Variants in MORN2 observed in about 807,000 individuals in gnomAD.
The protein encoded by MORN2 is MORN repeat-containing protein 2.
A neutral mutation model predicts 13.4 loss-of-function variants in MORN2; 15 were observed. That is an observed-to-expected ratio of 1.12 (90% CI 0.75 to 1.72). MORN2 has a LOEUF of 1.72. Ranked by LOEUF, MORN2 falls within the 40% of genes most tolerant of loss-of-function variation. The pLI is 0.00. For synonymous variants in MORN2, 46 were observed against 43.6 expected, an observed-to-expected ratio of 1.06 and a Z score of -0.22; for missense variants, 168 against 134.6, an observed-to-expected ratio of 1.25 and a Z score of -1.23.
At chr2:38,878,616 T>G (rs926658506) in intron 1 of MORN2, among the ~76,000 whole-genome samples, 2 of 152,184 alleles carry the variant, frequency 1.3e-5, no homozygotes, top group Non-Finnish European at 2.9e-5. Context: ...GTTCACTAAT[T>G]TGTTTTCAAT....
rs200554485 is a variant in MORN2, at chr2:38,877,706, C to G, written c.58+1596C>G. Reference sequence around the variant, plus strand: ...ATGTTGCCCAGGCTGGTCTCAAACTCCTGGGCTCAAGCAGTCCTCCCACCT... The same window carrying G: ...ATGTTGCCCAGGCTGGTCTCAAACTGCTGGGCTCAAGCAGTCCTCCCACCT... On this transcript the variant is annotated intron_variant, in intron 1 of 4. Coordinates refer to ENST00000644631, the MANE Select transcript of MORN2 (RefSeq NM_001145450.3). 2.2e-4 allele frequency among the ~76,000 whole-genome samples: 33 copies of G among 152,170 alleles called. No individual in the cohort carries two copies. The East Asian group carries it at 5.8e-3, about 27-fold the overall frequency.
At chr2:38,880,960 C>T (rs768410495) in intron 3 of MORN2, among the ~76,000 whole-genome samples, 4 of 152,120 alleles carry the variant, frequency 2.6e-5, no homozygotes, top group Non-Finnish European at 4.4e-5. Context: ...CTCATTTAAT[C>T]CTCATAATAA....
At chr2:38,880,040 C>T (rs369522158) in intron 1 of MORN2, 139 bp from the exon 2 acceptor site, 9 of 375,834 alleles carry the variant, frequency 2.4e-5, no homozygotes, top group East Asian at 7.5e-5. Context: ...ACATTTGCAT[C>T]CCCAGCACTT....
At chr2:38,876,404 C>T (rs1665623083) in intron 1 of MORN2, among the ~76,000 whole-genome samples, 1 of 152,176 alleles carries the variant, frequency 6.6e-6, no homozygotes, top group Admixed American at 6.5e-5. Flanking sequence ...TCCCAAGTTT[C>T]GAATGTAGAA....
chr2:38,876,043 G>T lies in MORN2; in HGVS notation c.-10G>T, dbSNP rs912291943. 4.8e-5 allele frequency: 19 copies of T among 398,560 alleles called. No homozygotes were observed. The highest frequency in any genetic ancestry group is 8.0e-5 in the Non-Finnish European group (18 of 226,140). The allele number at this position is 398,560 out of a possible 1,614,324, so 24.7% of individuals were successfully genotyped here. ...CTGTCCTAGCGCCTAGTTCTCTCCCGGCCGCAGAGCTGGCCGCCCAGGGGG... is the reference window on the plus strand; with the variant it reads ...CTGTCCTAGCGCCTAGTTCTCTCCCTGCCGCAGAGCTGGCCGCCCAGGGGG... On this transcript the variant is annotated 5_prime_UTR_variant, in exon 1 of 5. Coordinates refer to ENST00000644631, the MANE Select transcript of MORN2 (RefSeq NM_001145450.3).
chr2:38,882,362 C>A, intron 4 of MORN2, 51 bp from the exon 5 acceptor site: 5 of 1,154,100 alleles, frequency 4.3e-6, no homozygotes, highest in Non-Finnish European at 6.3e-6. Flanking sequence ...TATATCTGGA[C>A]TGTAAATTAT....
chr2:38,877,434 C>A (rs184071819), intron 1 of MORN2, among the ~76,000 whole-genome samples: 2 of 152,184 alleles, frequency 1.3e-5, no homozygotes, highest in Admixed American at 1.3e-4. Flanking sequence ...CACCATACTT[C>A]ACCCTTTATC....
rs746502854 is a variant in MORN2, at chr2:38,880,690, G to A, written c.200G>A (p.Ser67Asn). The A allele has an allele frequency of 1.7e-5, 27 of 1,550,134 alleles. No homozygotes were observed. Among genetic ancestry groups the A allele is most frequent in the South Asian group, 6.0e-5 (5 of 83,958 alleles). ...CCTAATGGGATTGTCTACACAGGAAGCTGGAAAGATGACAAGGTATTATTG... is the reference window on the plus strand; with the variant it reads ...CCTAATGGGATTGTCTACACAGGAAACTGGAAAGATGACAAGGTATTATTG... The change falls in exon 3 of 5, where the codon AGC becomes AAC. Residue 67 changes from serine to asparagine, a missense_variant. Ser to Asn is a conservative substitution (Grantham distance 46, BLOSUM62 1). Coordinates refer to ENST00000644631, the MANE Select transcript of MORN2 (RefSeq NM_001145450.3).
intron 1 of MORN2, among the ~76,000 whole-genome samples, chr2:38,878,021 C>T (rs183065358): frequency 1.8e-4 from 27 of 152,224 alleles, no homozygotes; most frequent in African/African-American, 6.3e-4. Flanking sequence ...GTCTCGAACT[C>T]CTAGGCTCAA....
chr2:38,877,507 C>T (rs1665673517), intron 1 of MORN2, among the ~76,000 whole-genome samples: 1 of 152,000 alleles, frequency 6.6e-6, no homozygotes, highest in Admixed American at 6.5e-5. Context: ...TCAGATTTTT[C>T]TAAGATTTAG....
chr2:38,882,548 A>G lies in MORN2; in HGVS notation c.*33A>G. ...GTTAAATTAAAGTTGAAATGTAGTA[A>G]TTGAAGCTTTTAGTTGTAAGGAAAG... On this transcript the variant is annotated 3_prime_UTR_variant, in exon 5 of 5. Coordinates refer to ENST00000644631, the MANE Select transcript of MORN2 (RefSeq NM_001145450.3). 1 of 1,463,978 alleles carries G rather than the reference A, an allele frequency of 6.8e-7. No individual in the cohort carries two copies. Among genetic ancestry groups the G allele is most frequent in the Non-Finnish European group, 9.4e-7 (1 of 1,069,134 alleles). 90.7% of individuals were successfully genotyped at this position (1,463,978 alleles called of 1,614,324 possible).
chr2:38,876,095 A>C lies in MORN2; in HGVS notation c.43A>C (p.Asn15His). ...GTCGCAGAGTTTGGAAGATCTCTCT[A>C]ACACCTCTCGGCCAAGTGAGTGTCC... is the stretch of plus-strand genomic sequence containing the variant. The change falls in exon 1 of 5, where the codon AAC (asparagine) becomes CAC (histidine). Residue 15 changes from asparagine to histidine, a missense_variant. Coordinates refer to ENST00000644631, the MANE Select transcript of MORN2 (RefSeq NM_001145450.3). 2.5e-6 allele frequency: 1 copy of C among 398,764 alleles called. No homozygotes were observed. 24.7% of individuals were successfully genotyped at this position (398,764 alleles called of 1,614,324 possible).
chr2:38,879,993 C>T (rs541686611), intron 1 of MORN2, among the ~76,000 whole-genome samples, 186 bp from the exon 2 acceptor site: 1 of 152,250 alleles, frequency 6.6e-6, no homozygotes, highest in East Asian at 1.9e-4. Flanking sequence ...GGTCTTATGA[C>T]ATAAGAATGT....
chr2:38,879,284 AT>A (rs1004923223), intron 1 of MORN2, among the ~76,000 whole-genome samples: 4 of 150,132 alleles, frequency 2.7e-5, no homozygotes, highest in Non-Finnish European at 4.5e-5. Flanking sequence ...CTGTACACCA[AT>A]TTTTTTTTTA....
At chr2:38,878,239 T>C (rs1665700425) in intron 1 of MORN2, among the ~76,000 whole-genome samples, 1 of 152,218 alleles carries the variant, frequency 6.6e-6, no homozygotes. Flanking sequence ...TGTCAGTCCT[T>C]TGTAGTTTAT....
intron 3 of MORN2, among the ~76,000 whole-genome samples, 179 bp downstream of exon 3, chr2:38,880,885 A>AATCATCGT (rs1214547577): frequency 6.6e-6 from 1 of 152,224 alleles, no homozygotes; most frequent in East Asian, 1.9e-4. Flanking sequence ...GTAGAAAGCT[A>AATCATCGT]ATCATCGTTA....
Position 38,880,203 on chromosome 2 carries a change from TTA to T in MORN2, c.85_86del (p.Ile29LeufsTer8). On this transcript the variant is annotated frameshift_variant, in exon 2 of 5. Transcript: ENST00000644631. LOFTEE classifies it high-confidence loss of function. Reference sequence around the variant, plus strand: ...GCTTCAGAAGTGTATAAGATCAGCTTTATCTTTCCAAATGGAGACAAGTATGG... The same window carrying T: ...GCTTCAGAAGTGTATAAGATCAGCTTTCTTTCCAAATGGAGACAAGTATGG... 2.5e-6 allele frequency: 1 copy of T among 399,064 alleles called. No individual in the cohort carries two copies. The highest frequency in any genetic ancestry group is 4.4e-6 in the Non-Finnish European group (1 of 226,100). 24.7% of individuals were successfully genotyped at this position (399,064 alleles called of 1,614,324 possible). A position where few individuals can be genotyped will look rare whatever the true frequency, so the allele number is the denominator to read the frequency against.
Position 38,880,708 on chromosome 2 carries a change from T to C in MORN2, c.216+2T>C. ...ACAGGAAGCTGGAAAGATGACAAGG[T>C]ATTATTGTTGTTTTTAATATTGGCA... is the stretch of plus-strand genomic sequence containing the variant. On this transcript the variant is annotated splice_donor_variant, in intron 3 of 4. Transcript: ENST00000644631. LOFTEE classifies it high-confidence loss of function. 6.5e-7 allele frequency: 1 copy of C among 1,549,954 alleles called. No homozygotes were observed.
chr2:38,878,134 A>G (rs1311311831), intron 1 of MORN2, among the ~76,000 whole-genome samples: 3 of 152,122 alleles, frequency 2.0e-5, no homozygotes, highest in Non-Finnish European at 4.4e-5. Flanking sequence ...TTAGATTGAT[A>G]GTTTCGTTGG....
Sources: allele counts gnomAD v4.1 joint callset (sites outside exome capture counted in the v4.1 genomes callset), GRCh38; gene constraint gnomAD v4.1.1; transcripts MANE v1.5; gene names NCBI Gene and HGNC (gene_info 2026-07-23, HGNC 2026-07-21).